Variants in CACNA2D1 observed in about 807,000 individuals in gnomAD.
The protein encoded by CACNA2D1 is voltage-dependent calcium channel subunit alpha-2/delta-1.
In CACNA2D1, 53 loss-of-function variants were observed where a neutral mutation model predicts 171.5. The observed-to-expected ratio is 0.31, with a 90% CI of 0.25 to 0.39. The LOEUF (loss-of-function observed/expected upper bound fraction) is 0.39, where lower values mean the gene tolerates loss of function less well. CACNA2D1 is among the 10% of genes least tolerant of loss of function. CACNA2D1 has a pLI of 1.00. For missense variants in CACNA2D1, 903 were observed against 1,299.8 expected (o/e 0.69, Z 4.69); for synonymous variants, 442 against 443.1 (o/e 1.00, Z 0.03).
chr7:82,432,723 G>A (rs571850827), intron 1 of CACNA2D1, among the ~76,000 whole-genome samples: 3 of 152,214 alleles, frequency 2.0e-5, no homozygotes, highest in Non-Finnish European at 4.4e-5. Context: ...CTTCTACTGG[G>A]GGCAGGAAGC....
At chr7:82,130,210 A>G (rs258695) in intron 5 of CACNA2D1, among the ~76,000 whole-genome samples, 16,219 of 151,854 alleles carry the variant, frequency 0.11, 1,104 homozygotes, top group Middle Eastern at 0.23. Flanking sequence ...CTATAAGTGC[A>G]TAAGAGCTGC....
intron 1 of CACNA2D1, among the ~76,000 whole-genome samples, chr7:82,423,858 T>C (rs745690479): frequency 1.3e-5 from 2 of 152,152 alleles, no homozygotes; most frequent in Non-Finnish European, 2.9e-5. Context: ...CTGGGAACTG[T>C]GTCTACCAGT....
intron 9 of CACNA2D1, among the ~76,000 whole-genome samples, chr7:82,061,366 G>A (rs1341979102): frequency 6.6e-6 from 1 of 151,984 alleles, no homozygotes; most frequent in African/African-American, 2.4e-5. Flanking sequence ...ACTCCTCTCT[G>A]GCTCAGTCTT....
At chr7:82,275,826 A>C (rs1251056524) in intron 3 of CACNA2D1, among the ~76,000 whole-genome samples, 1 of 152,206 alleles carries the variant, frequency 6.6e-6, no homozygotes, top group Non-Finnish European at 1.5e-5. Flanking sequence ...CAGACAATAT[A>C]GTTAATGATT....
At chr7:82,192,286 T>C (rs1454367075) in intron 3 of CACNA2D1, among the ~76,000 whole-genome samples, 1 of 151,758 alleles carries the variant, frequency 6.6e-6, no homozygotes, top group African/African-American at 2.4e-5. Context: ...CCAAGCATTG[T>C]ATTAGGTAAT....
chr7:82,192,706 T>G (rs1798462902), intron 3 of CACNA2D1, among the ~76,000 whole-genome samples: 2 of 151,536 alleles, frequency 1.3e-5, no homozygotes, highest in African/African-American at 4.8e-5. Flanking sequence ...TCTCTGTTGA[T>G]TCTATGTAGA....
intron 3 of CACNA2D1, among the ~76,000 whole-genome samples, chr7:82,180,235 G>A (rs546668330): frequency 2.8e-4 from 43 of 152,228 alleles, no homozygotes; most frequent in African/African-American, 8.9e-4. Context: ...GATCCTCTGA[G>A]GCAAGTGCGG....
At position 81,961,999 on chromosome 7, in the gene CACNA2D1, G is replaced by A. The variant is rs111888027; in HGVS notation, c.2861C>T (p.Thr954Met). ...EAVEMEDDDF[T>M]ASLSKQSCIT... The stretch of plus-strand genomic sequence containing the variant: ...GCAGCTCTGCTTGGACAGGGAGGCC[G>A]TGAAGTCATCATCCTCCATCTCAAC... The change falls in exon 36 of 39, where the codon ACG becomes ATG. Residue 954 changes from threonine to methionine, a missense_variant. Thr to Met is a moderately conservative substitution (Grantham distance 81, BLOSUM62 -1). Transcript: ENST00000356860. 35 of 1,612,206 alleles carry A rather than the reference G, an allele frequency of 2.2e-5. No homozygotes were observed. Among genetic ancestry groups the A allele is most frequent in the Admixed American group, 1.0e-4 (6 of 59,834 alleles).
At chr7:81,999,290 G>A (rs1255541119) in intron 18 of CACNA2D1, among the ~76,000 whole-genome samples, 8 of 152,034 alleles carry the variant, frequency 5.3e-5, no homozygotes, top group Admixed American at 5.2e-4. Context: ...TTCACCACGG[G>A]CATGGTGACT....
chr7:82,085,503 T>C (rs1202958142), intron 6 of CACNA2D1, among the ~76,000 whole-genome samples: 1 of 147,088 alleles, frequency 6.8e-6, no homozygotes, highest in Non-Finnish European at 1.5e-5. Flanking sequence ...CAGAGCAACA[T>C]AAATTAGCCT....
chr7:82,419,212 T>C (rs1244213539), intron 1 of CACNA2D1, among the ~76,000 whole-genome samples: 2 of 152,138 alleles, frequency 1.3e-5, no homozygotes, highest in East Asian at 3.9e-4. Flanking sequence ...GTCTCTGTAA[T>C]TGTACCTCTC....
Position 81,983,630 on chromosome 7 carries a change from A to G in CACNA2D1, c.1874-296T>C, listed in dbSNP as rs754323272. ...TAATACCAATGACGTCAGGCTATAA[A>G]CATAAGCATTTACTAATCAAAGACT... is the stretch of plus-strand genomic sequence containing the variant. On this transcript the variant is annotated intron_variant, in intron 22 of 38. Coordinates refer to ENST00000356860, the MANE Select transcript of CACNA2D1 (RefSeq NM_000722.4). Among the ~76,000 whole-genome samples, 16 of 152,290 alleles carry G rather than the reference A, an allele frequency of 1.1e-4. No individual in the cohort carries two copies. In the South Asian group the frequency reaches 2.3e-3, roughly 22 times the overall value.
intron 12 of CACNA2D1, among the ~76,000 whole-genome samples, chr7:82,021,407 A>G (rs1336581635): frequency 6.6e-6 from 1 of 152,126 alleles, no homozygotes; most frequent in Non-Finnish European, 1.5e-5. Flanking sequence ...AAGAACATCT[A>G]TAACAGTTTT....
chr7:81,969,304 G>C (rs987829352), intron 28 of CACNA2D1, among the ~76,000 whole-genome samples: 2 of 151,380 alleles, frequency 1.3e-5, no homozygotes, highest in African/African-American at 4.8e-5. Context: ...TGGAAAGATT[G>C]ATCCTGGATG....
chr7:82,260,532 A>G (rs1337861731), intron 3 of CACNA2D1, among the ~76,000 whole-genome samples: 1 of 152,244 alleles, frequency 6.6e-6, no homozygotes, highest in African/African-American at 2.4e-5. Flanking sequence ...CTTTTGAAAT[A>G]TGACTTTAAA....
intron 18 of CACNA2D1, among the ~76,000 whole-genome samples, chr7:82,002,001 T>C (rs1798650505): frequency 1.7e-5 from 2 of 120,358 alleles, no homozygotes; most frequent in Admixed American, 2.1e-4. Context: ...TTGTCCCAGA[T>C]TACTTTTCCA....
chr7:81,956,234 A>T (rs1163361991), intron 38 of CACNA2D1, among the ~76,000 whole-genome samples: 3 of 151,704 alleles, frequency 2.0e-5, no homozygotes, highest in Non-Finnish European at 2.9e-5. Flanking sequence ...TCGGCCTCCC[A>T]AAGTGCTGGG....
At chr7:82,095,045 T>C (rs1352281068) in intron 6 of CACNA2D1, among the ~76,000 whole-genome samples, 3 of 152,120 alleles carry the variant, frequency 2.0e-5, no homozygotes, top group Non-Finnish European at 4.4e-5. Flanking sequence ...CATCCATCCT[T>C]CTGGTGTCCT....
At chr7:82,065,764 A>C (rs1217186479) in intron 8 of CACNA2D1, among the ~76,000 whole-genome samples, 1 of 152,184 alleles carries the variant, frequency 6.6e-6, no homozygotes, top group East Asian at 1.9e-4. Flanking sequence ...TTTCTCATGA[A>C]TATGTACTCA....
Sources: gnomAD v4.1 joint callset for allele counts (sites outside exome capture counted in the v4.1 genomes callset) on GRCh38, gnomAD v4.1.1 for gene constraint, MANE v1.5 for transcripts, NCBI Gene and HGNC (gene_info 2026-07-23, HGNC 2026-07-21) for gene names.